The following SEPTIN9 variants were observed in gnomAD, a reference collection of about 807,000 sequenced individuals.
SEPTIN9 encodes the protein septin-9.
Under a neutral mutation model 56.6 loss-of-function variants are expected in SEPTIN9, and 13 were observed. The observed-to-expected ratio is 0.23, with a 90% CI of 0.15 to 0.37. SEPTIN9 has a LOEUF of 0.37. SEPTIN9 is among the 10% of genes least tolerant of loss of function. The pLI is 1.00. For synonymous variants in SEPTIN9, 332 were observed against 334.1 expected, an observed-to-expected ratio of 0.99 and a Z score of 0.07; for missense variants, 650 against 823.1, an observed-to-expected ratio of 0.79 and a Z score of 2.57.
Position 77,437,967 on chromosome 17 carries a change from G to A in SEPTIN9, c.721+35264G>A, listed in dbSNP as rs9916055. On this transcript the variant is annotated intron_variant, in intron 3 of 11. Coordinates refer to ENST00000427177, the MANE Select transcript of SEPTIN9 (RefSeq NM_001113491.2). This position sits in a 1 kb window ranked among gnomAD's most constrained non-coding sequence, Gnocchi z 5.3. ...CCTGCACTGTGCACCCATTGAAGGC[G>A]GCATCATCCGGGCCTCTCCGGTGGC... 0.026 allele frequency among the ~76,000 whole-genome samples: 3,993 copies of A among 152,290 alleles called. 160 individuals are homozygous for A. Among genetic ancestry groups the A allele is most frequent in the African/African-American group, 0.087 (3,633 of 41,554 alleles).
intron 3 of SEPTIN9, among the ~76,000 whole-genome samples, chr17:77,403,169 C>G (rs916055173): frequency 2.6e-5 from 4 of 152,118 alleles, no homozygotes; most frequent in African/African-American, 7.2e-5. Context: ...CTGGATATGC[C>G]CAGCAGAGGC....
intron 2 of SEPTIN9, among the ~76,000 whole-genome samples, chr17:77,356,121 C>T (rs2034229017): frequency 6.6e-6 from 1 of 152,182 alleles, no homozygotes; most frequent in South Asian, 2.1e-4. Flanking sequence ...GCTGCCCTCT[C>T]AGGTGACCAA....
chr17:77,341,066 G>C (rs2033710021), intron 2 of SEPTIN9, among the ~76,000 whole-genome samples: 1 of 152,170 alleles, frequency 6.6e-6, no homozygotes, highest in African/African-American at 2.4e-5. Flanking sequence ...AGGCTGTTTT[G>C]CTTTCTTCTT....
chr17:77,482,677 T>G (rs552245341), intron 4 of SEPTIN9: 1 of 602,974 alleles, frequency 1.7e-6, no homozygotes, highest in African/African-American at 1.9e-5. Flanking sequence ...GTCCCCTCAC[T>G]GTTGCTCCAG....
chr17:77,286,551 G>T (rs2031288884), intron 1 of SEPTIN9: 1 of 152,186 alleles, frequency 6.6e-6, no homozygotes, highest in African/African-American at 2.4e-5. Context: ...GTTTGCAGAG[G>T]ACATCTCACT....
Position 77,499,380 on chromosome 17 carries a change from C to A in SEPTIN9, c.*722C>A. 3.6e-6 allele frequency: 2 copies of A among 555,678 alleles called. No homozygotes were observed. Among genetic ancestry groups the A allele is most frequent in the South Asian group, 3.0e-5 (2 of 66,868 alleles). 34.4% of individuals were successfully genotyped at this position (555,678 alleles called of 1,614,324 possible). A position where few individuals can be genotyped will look rare whatever the true frequency, so the allele number is the denominator to read the frequency against. On this transcript the variant is annotated 3_prime_UTR_variant, in exon 12 of 12. Coordinates refer to ENST00000427177, the MANE Select transcript of SEPTIN9 (RefSeq NM_001113491.2). Reference sequence around the variant, plus strand: ...TCATCTCCCTGCCATCCCCCTCTCACGCCACCCCCGCCCCCACCGGGCTGC... The same window carrying A: ...TCATCTCCCTGCCATCCCCCTCTCAAGCCACCCCCGCCCCCACCGGGCTGC...
rs1429590514 is a variant in SEPTIN9 at position 77,488,635 on chromosome 17, G to T, written c.1125-92G>T. The T allele has an allele frequency of 2.6e-6, 4 of 1,537,306 alleles. No homozygotes were observed. The Admixed American group carries it at 6.7e-5, about 26-fold the overall frequency. ...CCCAGGGCATGCATTTCATTGGAAG[G>T]TGGGGTGTTGGGCTCTGAGTCCTGG... is the stretch of plus-strand genomic sequence containing the variant. On this transcript the variant is annotated intron_variant, in intron 6 of 11. Coordinates refer to ENST00000427177, the MANE Select transcript of SEPTIN9 (RefSeq NM_001113491.2).
chr17:77,450,588 C>T lies in SEPTIN9; in HGVS notation c.722-31556C>T. 2.0e-6 allele frequency: 2 copies of T among 985,674 alleles called. No homozygotes were observed. The highest frequency in any genetic ancestry group is 2.4e-6 in the Non-Finnish European group (2 of 830,152). 61.1% of individuals were successfully genotyped at this position (985,674 alleles called of 1,614,324 possible). On this transcript the variant is annotated intron_variant, in intron 3 of 11. Coordinates refer to ENST00000427177, the MANE Select transcript of SEPTIN9 (RefSeq NM_001113491.2). The surrounding 1 kb of genome is among the most constrained non-coding windows in gnomAD (Gnocchi z 6.0). ...GTCTGGCAGATCCCAGCGTCCAGGC[C>T]CAGCCCCTATAGTGTCAGCTCCCTC... is the stretch of plus-strand genomic sequence containing the variant.
intron 3 of SEPTIN9, among the ~76,000 whole-genome samples, chr17:77,417,264 G>A (rs535203607): frequency 7.2e-5 from 11 of 152,302 alleles, no homozygotes; most frequent in Non-Finnish European, 1.0e-4. Context: ...GTCATTTCAC[G>A]GATTCTGTGT....
chr17:77,449,569 G>A lies in SEPTIN9; in HGVS notation c.722-32575G>A, dbSNP rs541411799. On this transcript the variant is annotated intron_variant, in intron 3 of 11. Coordinates refer to ENST00000427177, the MANE Select transcript of SEPTIN9 (RefSeq NM_001113491.2). The surrounding 1 kb of genome is among the most constrained non-coding windows in gnomAD (Gnocchi z 4.6). Reference sequence around the variant, plus strand: ...CAAGGAAGAAGGGTTCTGCCCACGGGGAGGGAGAGGCCCACGGGGCAGGGG... The same window carrying A: ...CAAGGAAGAAGGGTTCTGCCCACGGAGAGGGAGAGGCCCACGGGGCAGGGG... 2.0e-4 allele frequency among the ~76,000 whole-genome samples: 31 copies of A among 152,344 alleles called. No homozygotes were observed. The highest frequency in any genetic ancestry group is 7.2e-4 in the African/African-American group (30 of 41,566).
At chr17:77,432,724 T>C (rs550694628) in intron 3 of SEPTIN9, among the ~76,000 whole-genome samples, 1 of 152,370 alleles carries the variant, frequency 6.6e-6, no homozygotes, top group South Asian at 2.1e-4. Context: ...GCATTAGCTT[T>C]TGCTGCAGTT....
chr17:77,442,049 TAC>T, intron 3 of SEPTIN9: 1 of 152,310 alleles, frequency 6.6e-6, no homozygotes, highest in East Asian at 1.9e-4. Flanking sequence ...TTTAATCACA[TAC>T]GTATGGGATT....
Position 77,405,370 on chromosome 17 carries a change from G to C in SEPTIN9, c.721+2667G>C, listed in dbSNP as rs2036031528. On this transcript the variant is annotated intron_variant, in intron 3 of 11. Coordinates refer to ENST00000427177, the MANE Select transcript of SEPTIN9 (RefSeq NM_001113491.2). The surrounding 1 kb of genome is among the most constrained non-coding windows in gnomAD (Gnocchi z 5.8). ...CAATTTCATCAGGCCAGGAAGGGGA[G>C]AGAAAGGCAGGCCACGTGGAGGCAG... Among the ~76,000 whole-genome samples, 1 of 152,184 alleles carries C rather than the reference G, an allele frequency of 6.6e-6. No individual in the cohort carries two copies. The highest frequency in any genetic ancestry group is 2.4e-5 in the African/African-American group (1 of 41,442).
rs1193091994 is a variant in SEPTIN9, at chr17:77,445,685, C to T, written c.722-36459C>T. On this transcript the variant is annotated intron_variant, in intron 3 of 11. Coordinates refer to ENST00000427177, the MANE Select transcript of SEPTIN9 (RefSeq NM_001113491.2). The surrounding 1 kb of genome is among the most constrained non-coding windows in gnomAD (Gnocchi z 4.7). ...CTCCAAGACTGTTCTGGGCTCTTCT[C>T]CCAGTTGGCTGAGTTGGAGGTGGGA... 2 of 321,476 alleles carry T rather than the reference C, an allele frequency of 6.2e-6. No individual in the cohort carries two copies. Among genetic ancestry groups the T allele is most frequent in the Non-Finnish European group, 1.3e-5 (2 of 155,044 alleles). 19.9% of individuals were successfully genotyped at this position (321,476 alleles called of 1,614,324 possible).
rs2037906306 is a variant in SEPTIN9, at chr17:77,450,055, C to T, written c.722-32089C>T. Among the ~76,000 whole-genome samples the T allele has an allele frequency of 1.3e-5, 2 of 152,196 alleles. No individual in the cohort carries two copies. The highest frequency in any genetic ancestry group is 6.5e-5 in the Admixed American group (1 of 15,288). On this transcript the variant is annotated intron_variant, in intron 3 of 11. Transcript: ENST00000427177. The surrounding 1 kb of genome is among the most constrained non-coding windows in gnomAD (Gnocchi z 6.0). Reference sequence around the variant, plus strand: ...TGCAGTCTTCTCCCAGACACTCCCCCGGCTCTGGCCTGGCGCCCGGAGACC... The same window carrying T: ...TGCAGTCTTCTCCCAGACACTCCCCTGGCTCTGGCCTGGCGCCCGGAGACC...
At chr17:77,350,712 A>G (rs1381027373) in intron 2 of SEPTIN9, among the ~76,000 whole-genome samples, 1 of 144,904 alleles carries the variant, frequency 6.9e-6, no homozygotes, top group East Asian at 2.2e-4. Context: ...TGGAGCAGGC[A>G]GCATGTGGGC....
In SEPTIN9 at chr17:77,493,846, C is replaced by T. The variant is rs191454579; in HGVS notation, c.1573+770C>T. 9.4e-4 allele frequency among the ~76,000 whole-genome samples: 139 copies of T among 148,382 alleles called. 1 individual carries two copies. Among genetic ancestry groups the T allele is most frequent in the African/African-American group, 3.3e-3 (134 of 40,216 alleles). On this transcript the variant is annotated intron_variant, in intron 10 of 11. Transcript: ENST00000427177. ...GGAGTGCAGTGTTGCAATCTCAGCT[C>T]ACTGCAACCTCTGCCTCCTGGGTTC...
intron 3 of SEPTIN9, among the ~76,000 whole-genome samples, chr17:77,423,972 C>T: frequency 6.9e-6 from 1 of 145,702 alleles, no homozygotes; most frequent in Non-Finnish European, 1.5e-5. Flanking sequence ...CAGGGCATGT[C>T]GCTGGGAGCC....
At chr17:77,320,882 CGTGTGTGTGCAT>C (rs2032894168) in intron 2 of SEPTIN9, among the ~76,000 whole-genome samples, 1 of 152,174 alleles carries the variant, frequency 6.6e-6, no homozygotes, top group South Asian at 2.1e-4. Context: ...TGTGTGTGCA[CGTGTGTGTGCAT>C]GTGTGTGCGT....
Sources: gnomAD v4.1 joint callset for allele counts (sites outside exome capture counted in the v4.1 genomes callset) on GRCh38, gnomAD v4.1.1 for gene constraint, Gnocchi (gnomAD v3.1) non-coding constraint, MANE v1.5 for transcripts, NCBI Gene and HGNC (gene_info 2026-07-23, HGNC 2026-07-21) for gene names.